DOK6: variants seen among roughly 807,000 people sequenced by gnomAD.
DOK6 encodes the protein docking protein 6.
Under a neutral mutation model 44.0 loss-of-function variants are expected in DOK6, and 22 were observed. That is an observed-to-expected ratio of 0.50 (90% CI 0.36 to 0.71). The LOEUF (loss-of-function observed/expected upper bound fraction) is 0.71, where lower values mean the gene tolerates loss of function less well. Among genes scored for constraint, DOK6 ranks in the 30% least tolerant of loss-of-function variants. The probability of loss-of-function intolerance (pLI) is 0.00; values close to 1 mark genes in which losing one functional copy is unlikely to be tolerated. For missense variants in DOK6, 340 were observed against 416.4 expected (o/e 0.82, Z 1.60); for synonymous variants, 166 against 145.5 (o/e 1.14, Z -1.01).
intron 1 of DOK6, among the ~76,000 whole-genome samples, chr18:69,435,099 GAAGA>G (rs896072697): frequency 6.6e-6 from 1 of 150,772 alleles, no homozygotes; most frequent in African/African-American, 2.4e-5. Context: ...AGGAAAGAAG[GAAGA>G]AAGAAAGATT....
chr18:69,428,613 A>G (rs1978710248), intron 1 of DOK6, among the ~76,000 whole-genome samples: 1 of 152,110 alleles, frequency 6.6e-6, no homozygotes, highest in African/African-American at 2.4e-5. Flanking sequence ...GGTCAAAGAG[A>G]AAGTGATTTA....
chr18:69,605,582 A>G (rs1983975701), intron 3 of DOK6, among the ~76,000 whole-genome samples: 1 of 152,206 alleles, frequency 6.6e-6, no homozygotes, highest in Admixed American at 6.5e-5. Context: ...TAACAACAAT[A>G]AAAGGTAGTA....
chr18:69,512,459 T>C (rs1981400185), intron 1 of DOK6, among the ~76,000 whole-genome samples: 1 of 147,366 alleles, frequency 6.8e-6, no homozygotes, highest in Non-Finnish European at 1.5e-5. Context: ...TTCTCCTACC[T>C]CAGCCTCCTG....
At chr18:69,604,052 A>T (rs1016238376) in intron 3 of DOK6, among the ~76,000 whole-genome samples, 2 of 152,156 alleles carry the variant, frequency 1.3e-5, no homozygotes, top group African/African-American at 2.4e-5. Context: ...GGTCTCAATA[A>T]ATCACAGTGA....
At chr18:69,780,884 A>G (rs1211144112) in intron 7 of DOK6, among the ~76,000 whole-genome samples, 1 of 152,176 alleles carries the variant, frequency 6.6e-6, no homozygotes, top group Non-Finnish European at 1.5e-5. Flanking sequence ...TTGTTTTTCA[A>G]TGGACACCAA....
intron 5 of DOK6, among the ~76,000 whole-genome samples, chr18:69,733,768 T>C (rs562106718): frequency 2.0e-4 from 31 of 152,290 alleles, no homozygotes; most frequent in Admixed American, 6.5e-5. Flanking sequence ...TTAATGTGTG[T>C]AAACCCTAAA....
chr18:69,459,173 C>T (rs540344478), intron 1 of DOK6, among the ~76,000 whole-genome samples: 2 of 96,226 alleles, frequency 2.1e-5, no homozygotes, highest in Admixed American at 1.5e-4. Context: ...TGAGAAATCT[C>T]AAAAAAAAAT....
At chr18:69,615,983 A>T (rs1984275149) in intron 3 of DOK6, among the ~76,000 whole-genome samples, 2 of 152,226 alleles carry the variant, frequency 1.3e-5, no homozygotes, top group African/African-American at 2.4e-5. Flanking sequence ...GAAAGAAATG[A>T]GTTCCCAGTG....
chr18:69,632,898 A>G (rs1034094067), intron 3 of DOK6, among the ~76,000 whole-genome samples: 1 of 152,182 alleles, frequency 6.6e-6, no homozygotes, highest in Admixed American at 6.5e-5. Flanking sequence ...ATCACTTGTA[A>G]GACACAAGTA....
intron 7 of DOK6, among the ~76,000 whole-genome samples, chr18:69,816,620 T>G (rs1981406180): frequency 6.6e-6 from 1 of 152,208 alleles, no homozygotes; most frequent in Non-Finnish European, 1.5e-5. Context: ...GCCTAAGCCA[T>G]GAAGTAGGTA....
At chr18:69,420,027 T>C (rs80291295) in intron 1 of DOK6, among the ~76,000 whole-genome samples, 1,951 of 152,286 alleles carry the variant, frequency 0.013, 16 homozygotes, top group Non-Finnish European at 0.02. Flanking sequence ...TTATTCGATG[T>C]TTAATTTTTA....
chr18:69,780,146 C>T (rs72951528), intron 7 of DOK6, among the ~76,000 whole-genome samples: 6,407 of 152,174 alleles, frequency 0.042, 167 homozygotes, highest in Middle Eastern at 0.082. Flanking sequence ...TACTCACTGC[C>T]ATCAAGATAA....
At chr18:69,465,591 A>T (rs1186202591) in intron 1 of DOK6, among the ~76,000 whole-genome samples, 22 of 149,590 alleles carry the variant, frequency 1.5e-4, no homozygotes, top group African/African-American at 2.5e-4. Flanking sequence ...TTCACTGAGA[A>T]TGATGATTTC....
At chr18:69,782,438 C>A (rs1019863033) in intron 7 of DOK6, among the ~76,000 whole-genome samples, 3 of 151,984 alleles carry the variant, frequency 2.0e-5, no homozygotes, top group African/African-American at 4.8e-5. Context: ...GTCTCGATCT[C>A]CTGACCTCGT....
intron 2 of DOK6, among the ~76,000 whole-genome samples, chr18:69,571,462 C>G (rs1881680761): frequency 6.6e-6 from 1 of 151,892 alleles, no homozygotes; most frequent in Non-Finnish European, 1.5e-5. Flanking sequence ...GGAAATAAAT[C>G]AAGACCTAAC....
At chr18:69,596,586 A>G (rs969549470) in intron 2 of DOK6, among the ~76,000 whole-genome samples, 2 of 130,666 alleles carry the variant, frequency 1.5e-5, no homozygotes, top group African/African-American at 5.8e-5. Flanking sequence ...AGTATATTCA[A>G]AGTGCTTAAA....
chr18:69,461,571 C>T (rs1979789220), intron 1 of DOK6, among the ~76,000 whole-genome samples: 1 of 152,036 alleles, frequency 6.6e-6, no homozygotes, highest in South Asian at 2.1e-4. Flanking sequence ...TCTTGGAGGC[C>T]CTATTTAATC....
rs200471704 is a variant in DOK6 at position 69,452,072 on chromosome 18, C to T, written c.66+50762C>T. Reference sequence around the variant, plus strand: ...ATAAATAACTAAAATCAGAGCAGAACTGAAGGAAATAGAGACACAAAAAAC... The same window carrying T: ...ATAAATAACTAAAATCAGAGCAGAATTGAAGGAAATAGAGACACAAAAAAC... On this transcript the variant is annotated intron_variant, in intron 1 of 7. Coordinates refer to ENST00000382713, the MANE Select transcript of DOK6 (RefSeq NM_152721.6). Among the ~76,000 whole-genome samples the T allele has an allele frequency of 8.7e-4, 132 of 151,378 alleles. 2 individuals are homozygous for T. The East Asian group carries it at 0.021, about 24-fold the overall frequency.
intron 1 of DOK6, among the ~76,000 whole-genome samples, chr18:69,426,663 A>T (rs927550233): frequency 6.6e-6 from 1 of 152,202 alleles, no homozygotes; most frequent in Admixed American, 6.5e-5. Flanking sequence ...AAGTGATTTT[A>T]AAAGTGTCAG....
Sources: gnomAD v4.1 joint callset for allele counts (sites outside exome capture counted in the v4.1 genomes callset) on GRCh38, gnomAD v4.1.1 for gene constraint, MANE v1.5 for transcripts, NCBI Gene and HGNC (gene_info 2026-07-23, HGNC 2026-07-21) for gene names.